Variants in TRPM6 observed in about 807,000 individuals in gnomAD.
TRPM6 encodes the protein channel kinase 2.
In TRPM6, 111 loss-of-function variants were observed where a neutral mutation model predicts 247.6. The observed-to-expected ratio is 0.45, with a 90% CI of 0.38 to 0.52. The LOEUF is 0.52. Ranked by LOEUF, TRPM6 falls within the 20% of genes least tolerant of loss-of-function variation. The pLI, the probability that TRPM6 is intolerant of heterozygous loss-of-function variation, is 0.00. For synonymous variants in TRPM6, 892 were observed against 853.8 expected (o/e 1.04, Z -0.78); for missense variants, 2,126 against 2,421.5 (o/e 0.88, Z 2.56).
chr9:74,807,038 A>T (rs1317778422), intron 14 of TRPM6, among the ~76,000 whole-genome samples: 1 of 152,244 alleles, frequency 6.6e-6, no homozygotes, highest in Non-Finnish European at 1.5e-5. Context: ...TAAATGAAGT[A>T]GCTGATACCT....
intron 4 of TRPM6, among the ~76,000 whole-genome samples, chr9:74,841,741 G>A (rs1234061230): frequency 1.3e-5 from 2 of 152,170 alleles, no homozygotes; most frequent in African/African-American, 4.8e-5. Flanking sequence ...CTGACCTCAG[G>A]TGATCCACCT....
chr9:74,837,961 G>A (rs964774928), intron 5 of TRPM6, among the ~76,000 whole-genome samples: 2 of 151,918 alleles, frequency 1.3e-5, no homozygotes, highest in Admixed American at 1.3e-4. Context: ...ATTGCCCAGG[G>A]TGGTCTCGAA....
intron 19 of TRPM6, among the ~76,000 whole-genome samples, chr9:74,790,722 C>T (rs747542163): frequency 2.5e-4 from 38 of 152,156 alleles, no homozygotes; most frequent in Non-Finnish European, 5.1e-4. Flanking sequence ...TCAGCCATAA[C>T]TTTCTTTCTA....
intron 3 of TRPM6, 85 bp from the exon 4 acceptor site, chr9:74,842,428 A>G: frequency 4.5e-6 from 6 of 1,327,142 alleles, no homozygotes; most frequent in Non-Finnish European, 1.1e-6. Context: ...TAATGTATAG[A>G]TGCCATATAC....
intron 31 of TRPM6, among the ~76,000 whole-genome samples, chr9:74,745,077 T>C (rs150927894): frequency 5.5e-4 from 84 of 152,228 alleles, no homozygotes; most frequent in Admixed American, 1.3e-3. Flanking sequence ...GAAAAGCAAA[T>C]GTATTAGGAG....
At position 74,724,497 on chromosome 9, in the gene TRPM6, C is replaced by T. The variant is rs1401789297; in HGVS notation, c.*116G>A. On this transcript the variant is annotated 3_prime_UTR_variant, in exon 39 of 39. Coordinates refer to ENST00000360774, the MANE Select transcript of TRPM6 (RefSeq NM_017662.5). ...TTTGAACAGAAGGAGATGTGAGGCT[C>T]AGAAGGCGTGTCCCAAGGAGACGCT... 4.1e-6 allele frequency: 6 copies of T among 1,463,520 alleles called. No individual in the cohort carries two copies. The highest frequency in any genetic ancestry group is 1.2e-5 in the South Asian group (1 of 86,586). 90.7% of individuals were successfully genotyped at this position (1,463,520 alleles called of 1,614,324 possible).
intron 13 of TRPM6, 48 bp downstream of exon 13, chr9:74,810,767 G>A (rs1382111925): frequency 1.3e-6 from 2 of 1,559,446 alleles, no homozygotes; most frequent in South Asian, 2.2e-5. Context: ...CCAACACAAA[G>A]CTAAGGCAAT....
intron 15 of TRPM6, among the ~76,000 whole-genome samples, chr9:74,802,583 TTA>T (rs1185238007): frequency 1.3e-5 from 2 of 152,172 alleles, no homozygotes; most frequent in Non-Finnish European, 2.9e-5. Flanking sequence ...ATGACAACTT[TTA>T]GTTTCTCAAG....
intron 13 of TRPM6, among the ~76,000 whole-genome samples, chr9:74,809,923 G>A (rs377046061): frequency 1.1e-4 from 15 of 133,090 alleles, no homozygotes; most frequent in South Asian, 1.0e-3. Context: ...AGGTTGCAGT[G>A]AGCCAAGATC....
At chr9:74,826,174 C>T (rs1361264329) in intron 7 of TRPM6, among the ~76,000 whole-genome samples, 1 of 152,186 alleles carries the variant, frequency 6.6e-6, no homozygotes, top group African/African-American at 2.4e-5. Flanking sequence ...CCCTAATATA[C>T]ATCTTCTCAA....
rs1445066166 is a variant in TRPM6, at chr9:74,739,485, T to G, written c.5488-36A>C. On this transcript the variant is annotated intron_variant, in intron 34 of 38. Coordinates refer to ENST00000360774, the MANE Select transcript of TRPM6 (RefSeq NM_017662.5). Reference sequence around the variant, plus strand: ...GGGAGCACTGATAAAAATACTGATTTACTGTTGTACAGCTATGATCATGAA... The same window carrying G: ...GGGAGCACTGATAAAAATACTGATTGACTGTTGTACAGCTATGATCATGAA... 4 of 1,588,822 alleles carry G rather than the reference T, an allele frequency of 2.5e-6. No individual in the cohort carries two copies. The African/African-American group carries it at 4.0e-5, about 16-fold the overall frequency.
In TRPM6 at chr9:74,851,394, G is replaced by GA. The variant is rs199638861; in HGVS notation, c.152+4132dup. Among the ~76,000 whole-genome samples, 602 of 150,360 alleles carry GA rather than the reference G, an allele frequency of 4.0e-3. 4 individuals carry two copies. Among genetic ancestry groups the GA allele is most frequent in the African/African-American group, 0.014 (568 of 40,960 alleles). The stretch of plus-strand genomic sequence containing the variant: ...ACAAAGAATAAAATAAATTTAAAAA[G>GA]AAAAAAAAATCAAAATCTCAAAATA... On this transcript the variant is annotated intron_variant, in intron 3 of 38. Coordinates refer to ENST00000360774, the MANE Select transcript of TRPM6 (RefSeq NM_017662.5).
chr9:74,860,472 C>A (rs1330366454), intron 1 of TRPM6, among the ~76,000 whole-genome samples: 1 of 152,108 alleles, frequency 6.6e-6, no homozygotes, highest in Non-Finnish European at 1.5e-5. Context: ...GATTCTCCTG[C>A]CTCAGCCTCC....
At chr9:74,822,413 C>CG in intron 7 of TRPM6, among the ~76,000 whole-genome samples, 1 of 143,674 alleles carries the variant, frequency 7.0e-6, no homozygotes, top group East Asian at 2.0e-4. Context: ...CCACACCTAG[C>CG]TTTTTTTTTT....
At chr9:74,812,041 C>T (rs1459886068) in intron 12 of TRPM6, among the ~76,000 whole-genome samples, 1 of 152,096 alleles carries the variant, frequency 6.6e-6, no homozygotes, top group Non-Finnish European at 1.5e-5. Context: ...GCATTTGTAG[C>T]CATTTTGGTG....
chr9:74,887,156 G>A (rs1831557216), intron 1 of TRPM6: 1 of 906,228 alleles, frequency 1.1e-6, no homozygotes, highest in African/African-American at 1.7e-5. Context: ...GGAGCCAGCG[G>A]GGACTCCTGA....
At position 74,785,914 on chromosome 9, in the gene TRPM6, T is replaced by C. The variant is rs1033936889; in HGVS notation, c.2879A>G (p.Asn960Ser). Reference protein sequence around the residue: ...FSRLLDFFAVNQHAGPYVTMI... With the variant: ...FSRLLDFFAVSQHAGPYVTMI... ...GGTCACATATGGACCTGCATGTTGA[T>C]TCACAGCAAAGAAGTCCAGGAGCCG... The change falls in exon 21 of 39, where the codon AAT becomes AGT. Residue 960 changes from asparagine to serine, a missense_variant. Around this residue, in one of 3 missense-constraint regions of TRPM6, gnomAD observed 1,082 missense variants for 1,307.9 expected, o/e 0.83. Coordinates refer to ENST00000360774, the MANE Select transcript of TRPM6 (RefSeq NM_017662.5). 6.2e-7 allele frequency: 1 copy of C among 1,614,100 alleles called. No individual in the cohort carries two copies. Among genetic ancestry groups the C allele is most frequent in the Non-Finnish European group, 8.5e-7 (1 of 1,180,050 alleles).
intron 38 of TRPM6, among the ~76,000 whole-genome samples, chr9:74,726,100 T>C (rs1825312092): frequency 6.6e-6 from 1 of 152,256 alleles, no homozygotes; most frequent in Non-Finnish European, 1.5e-5. Flanking sequence ...ACTCTTTTTT[T>C]ATTTAGATTA....
intron 5 of TRPM6, 61 bp downstream of exon 5, chr9:74,839,963 G>A: frequency 8.0e-7 from 1 of 1,254,882 alleles, no homozygotes; most frequent in African/African-American, 1.6e-5. Context: ...AAGAGGGAGA[G>A]AGGGAGGGAG....
Sources: allele counts gnomAD v4.1 joint callset (sites outside exome capture counted in the v4.1 genomes callset), GRCh38; gene constraint gnomAD v4.1.1; regional missense constraint gnomAD v4.1.1; transcripts MANE v1.5; gene names NCBI Gene and HGNC (gene_info 2026-07-23, HGNC 2026-07-21).